GPC6: variants seen among roughly 807,000 people sequenced by gnomAD.
GPC6 encodes the protein glypican 6.
GPC6 carries 14 observed loss-of-function variants against 55.2 expected under a neutral mutation model. That is an observed-to-expected ratio of 0.25 (90% confidence interval 0.17 to 0.40). The LOEUF is 0.40. GPC6 is among the 10% of genes least tolerant of loss of function. GPC6 has a pLI of 1.00. For synonymous variants in GPC6, 278 were observed against 259.6 expected (o/e 1.07, Z -0.68); for missense variants, 641 against 708.5 (o/e 0.90, Z 1.08).
At chr13:93,665,916 C>T (rs562372924) in intron 2 of GPC6, among the ~76,000 whole-genome samples, 1 of 152,292 alleles carries the variant, frequency 6.6e-6, no homozygotes, top group South Asian at 2.1e-4. Context: ...TTTATTCCCT[C>T]AACTAATATT....
chr13:93,361,130 G>T (rs1881027005), intron 1 of GPC6, among the ~76,000 whole-genome samples: 1 of 152,080 alleles, frequency 6.6e-6, no homozygotes, highest in South Asian at 2.1e-4. Context: ...CCATGCTTTA[G>T]CCCTAAGCTG....
At chr13:93,490,198 A>T (rs1879911115) in intron 1 of GPC6, among the ~76,000 whole-genome samples, 2 of 151,526 alleles carry the variant, frequency 1.3e-5, no homozygotes, top group African/African-American at 2.4e-5. Flanking sequence ...ATTTTGTCAA[A>T]GGCCTTTTCT....
intron 4 of GPC6, among the ~76,000 whole-genome samples, chr13:94,240,559 C>T (rs748571236): frequency 7.2e-5 from 11 of 151,984 alleles, no homozygotes; most frequent in Non-Finnish European, 8.8e-5. Flanking sequence ...GGAGAAACAA[C>T]AGCAACAATG....
chr13:94,159,081 A>C (rs928265622), intron 4 of GPC6, among the ~76,000 whole-genome samples: 1 of 152,082 alleles, frequency 6.6e-6, no homozygotes, highest in African/African-American at 2.4e-5. Context: ...ATATACACAT[A>C]CCTAGGCAGA....
At chr13:93,225,002 G>T (rs1875720079), upstream of GPC6, among the ~76,000 whole-genome samples, 1 of 152,122 alleles carries the variant, frequency 6.6e-6, no homozygotes, top group Non-Finnish European at 1.5e-5. Flanking sequence ...AAGTTGTATT[G>T]AGTGCTCATT....
At chr13:93,285,013 G>T (rs1284642303) in intron 1 of GPC6, among the ~76,000 whole-genome samples, 1 of 152,148 alleles carries the variant, frequency 6.6e-6, no homozygotes, top group Non-Finnish European at 1.5e-5. Context: ...AAGGCACAGG[G>T]AGTAAGAGCT....
At chr13:94,112,044 G>A (rs1043076423) in intron 4 of GPC6, among the ~76,000 whole-genome samples, 5 of 151,934 alleles carry the variant, frequency 3.3e-5, no homozygotes, top group Non-Finnish European at 7.4e-5. Context: ...AGTAAACATC[G>A]TAAAGAAAAT....
intron 3 of GPC6, among the ~76,000 whole-genome samples, chr13:93,952,623 GTGTC>G (rs1489431336): frequency 6.7e-6 from 1 of 150,092 alleles, no homozygotes; most frequent in Non-Finnish European, 1.5e-5. Flanking sequence ...ATGTATGTAT[GTGTC>G]TGTATATATG....
chr13:94,229,367 T>C (rs1890651874), intron 4 of GPC6, among the ~76,000 whole-genome samples: 1 of 152,178 alleles, frequency 6.6e-6, no homozygotes, highest in Non-Finnish European at 1.5e-5. Flanking sequence ...TCAACGGCTA[T>C]TTTATGTAGA....
At chr13:94,370,405 C>T (rs72632660) in intron 6 of GPC6, among the ~76,000 whole-genome samples, 3,907 of 152,256 alleles carry the variant, frequency 0.026, 210 homozygotes, top group East Asian at 0.24. Context: ...TCTGTTACCC[C>T]TACTAGGCAG....
intron 2 of GPC6, among the ~76,000 whole-genome samples, chr13:93,650,977 C>T (rs1164612855): frequency 6.6e-6 from 1 of 152,118 alleles, no homozygotes; most frequent in African/African-American, 2.4e-5. Context: ...AATGTGCATT[C>T]ATGAACAAGC....
At chr13:93,835,526 G>A (rs1887700183) in intron 3 of GPC6, among the ~76,000 whole-genome samples, 1 of 152,264 alleles carries the variant, frequency 6.6e-6, no homozygotes. Context: ...GCCGAGACAG[G>A]CAGATTACCT....
At chr13:94,121,732 A>AT (rs1359800817) in intron 4 of GPC6, among the ~76,000 whole-genome samples, 1 of 152,112 alleles carries the variant, frequency 6.6e-6, no homozygotes, top group East Asian at 1.9e-4. Context: ...CATCCAGCTG[A>AT]TTTTTTTAAA....
intron 7 of GPC6, among the ~76,000 whole-genome samples, chr13:94,383,260 G>A (rs1288373768): frequency 9.2e-5 from 14 of 152,188 alleles, no homozygotes; most frequent in Admixed American, 9.2e-4. Context: ...CACGAGGACA[G>A]GAATCTGCCA....
rs66957373 is a variant in GPC6 at position 93,561,404 on chromosome 13, G to GATATATATATATATATATATATAT, written c.319+16005_319+16006insATATATATATATATATATATATAT. Among the ~76,000 whole-genome samples, 814 of 104,394 alleles carry GATATATATATATATATATATATAT rather than the reference G, an allele frequency of 7.8e-3. 39 individuals carry two copies. The highest frequency in any genetic ancestry group is 0.017 in the African/African-American group (410 of 23,960). The allele number at this position is 104,394 out of a possible 152,430, so 68.5% of individuals were successfully genotyped here. A position where few individuals can be genotyped will look rare whatever the true frequency, so the allele number is the denominator to read the frequency against. On this transcript the variant is annotated intron_variant, in intron 2 of 8. Coordinates refer to ENST00000377047, the MANE Select transcript of GPC6 (RefSeq NM_005708.5). ...AATAATTGCATACTATATCCCTATC[G>GATATATATATATATATATATATAT]ATATATATATATATATATATATTTG...
intron 2 of GPC6, among the ~76,000 whole-genome samples, chr13:93,783,280 T>C (rs1201506247): frequency 6.6e-6 from 1 of 152,198 alleles, no homozygotes; most frequent in Non-Finnish European, 1.5e-5. Context: ...GTAAGGAAGA[T>C]ATGTGTGCAT....
At chr13:94,315,918 T>C (rs1002733162) in intron 6 of GPC6, among the ~76,000 whole-genome samples, 1 of 152,010 alleles carries the variant, frequency 6.6e-6, no homozygotes, top group Non-Finnish European at 1.5e-5. Flanking sequence ...CCAACACAAA[T>C]TCGTAAACAT....
At chr13:93,838,942 A>G (rs1594508736) in intron 3 of GPC6, among the ~76,000 whole-genome samples, 1 of 152,316 alleles carries the variant, frequency 6.6e-6, no homozygotes, top group South Asian at 2.1e-4. Context: ...AGAAAGAAGA[A>G]TCAGGATCAG....
rs145418231 is a variant in GPC6, at chr13:93,266,221, C to T, written c.160+38605C>T. Among the ~76,000 whole-genome samples the T allele has an allele frequency of 1.3e-5, 2 of 152,258 alleles. 1 individual carries two copies. The highest frequency in any genetic ancestry group is 1.3e-4 in the Admixed American group (2 of 15,302). ...ATTAATGCATTACAGATTAATTTTA[C>T]CTACCACAAGTGTATCATGATAGTT... On this transcript the variant is annotated intron_variant, in intron 1 of 8. Coordinates refer to ENST00000377047, the MANE Select transcript of GPC6 (RefSeq NM_005708.5).
Sources: allele counts gnomAD v4.1 joint callset (sites outside exome capture counted in the v4.1 genomes callset), GRCh38; gene constraint gnomAD v4.1.1; transcripts MANE v1.5; gene names NCBI Gene and HGNC (gene_info 2026-07-23, HGNC 2026-07-21).